LCMT1: variants seen among roughly 807,000 people sequenced by gnomAD.
LCMT1 encodes the protein leucine carboxyl methyltransferase 1, also known as [Phosphatase 2A protein]-leucine-carboxy methyltransferase 1.
Under a neutral mutation model 47.7 loss-of-function variants are expected in LCMT1, and 32 were observed. That is an observed-to-expected ratio of 0.67 (90% CI 0.51 to 0.90). LCMT1 has a LOEUF of 0.90. LCMT1 is among the 40% of genes least tolerant of loss of function. The pLI is 0.00. For missense variants in LCMT1, 375 were observed against 415.2 expected (o/e 0.90, Z 0.84); for synonymous variants, 152 against 149.7 (o/e 1.02, Z -0.11).
intron 1 of LCMT1, among the ~76,000 whole-genome samples, chr16:25,117,261 T>C (rs763576140): frequency 6.1e-4 from 93 of 152,232 alleles, no homozygotes; most frequent in Non-Finnish European, 2.2e-4. Context: ...AGTGCACTCT[T>C]ACCTGCTGGC....
intron 5 of LCMT1, among the ~76,000 whole-genome samples, chr16:25,160,005 G>A (rs1004032854): frequency 8.7e-5 from 13 of 149,438 alleles, no homozygotes; most frequent in Non-Finnish European, 1.6e-4. Context: ...TCACTCTGTC[G>A]CCCAGGCTGG....
At chr16:25,166,875 A>T (rs1961605734) in intron 7 of LCMT1, among the ~76,000 whole-genome samples, 1 of 152,114 alleles carries the variant, frequency 6.6e-6, no homozygotes, top group Non-Finnish European at 1.5e-5. Flanking sequence ...ATGTAATGGA[A>T]GCTGGCCTCA....
At chr16:25,175,067 GA>G in intron 10 of LCMT1, 33 bp downstream of exon 10, 1 of 1,192,920 alleles carries the variant, frequency 8.4e-7, no homozygotes, top group Non-Finnish European at 1.2e-6. Flanking sequence ...CCTTGACCTG[GA>G]AATAGTGAAC....
chr16:25,149,429 C>T (rs1960998339), intron 4 of LCMT1, among the ~76,000 whole-genome samples: 1 of 152,144 alleles, frequency 6.6e-6, no homozygotes, highest in Non-Finnish European at 1.5e-5. Context: ...AAGGCTAGTT[C>T]CTGGGATTCT....
At chr16:25,175,902 C>T (rs890364771) in intron 10 of LCMT1, among the ~76,000 whole-genome samples, 4 of 152,148 alleles carry the variant, frequency 2.6e-5, no homozygotes, top group Admixed American at 2.0e-4. Flanking sequence ...TAGCCCAAAA[C>T]AACCCTTGAG....
At chr16:25,116,924 G>A (rs549974643) in intron 1 of LCMT1, among the ~76,000 whole-genome samples, 73 of 151,858 alleles carry the variant, frequency 4.8e-4, no homozygotes. Flanking sequence ...CCAGAAACTG[G>A]GGTTTGCCAG....
intron 5 of LCMT1, among the ~76,000 whole-genome samples, chr16:25,154,291 G>A (rs1203163661): frequency 2.0e-5 from 3 of 151,760 alleles, no homozygotes; most frequent in African/African-American, 7.3e-5. Flanking sequence ...GATTACAGGC[G>A]TGAGCCACTG....
At chr16:25,128,228 A>C (rs1170382138) in intron 1 of LCMT1, among the ~76,000 whole-genome samples, 1 of 152,238 alleles carries the variant, frequency 6.6e-6, no homozygotes, top group African/African-American at 2.4e-5. Context: ...TGAATTAGCA[A>C]TATGAGGGAA....
chr16:25,132,098 A>G (rs775370502), intron 2 of LCMT1: 1 of 444,516 alleles, frequency 2.2e-6, no homozygotes, highest in Admixed American at 2.8e-5. Flanking sequence ...GCACATTTCC[A>G]AGATGGACTT....
At chr16:25,166,202 G>A (rs1159217930) in intron 7 of LCMT1, among the ~76,000 whole-genome samples, 10 of 151,168 alleles carry the variant, frequency 6.6e-5, no homozygotes, top group African/African-American at 1.5e-4. Flanking sequence ...CCAGGGAGGC[G>A]GATGTTGCAG....
intron 5 of LCMT1, among the ~76,000 whole-genome samples, chr16:25,156,888 A>G (rs1340971411): frequency 2.0e-5 from 3 of 151,694 alleles, no homozygotes; most frequent in Non-Finnish European, 4.4e-5. Flanking sequence ...TGGTCAGACA[A>G]ACTAATCCTC....
At chr16:25,125,989 C>T (rs1960165281) in intron 1 of LCMT1, 3 of 1,326,628 alleles carry the variant, frequency 2.3e-6, no homozygotes, top group South Asian at 2.3e-5. Flanking sequence ...CGCCCGACAG[C>T]ACTCTCCTCC....
chr16:25,112,874 G>A (rs1959665995), intron 1 of LCMT1, among the ~76,000 whole-genome samples: 1 of 152,132 alleles, frequency 6.6e-6, no homozygotes, highest in South Asian at 2.1e-4. Context: ...TGGGCGCGGT[G>A]GTTCACGCCT....
intron 1 of LCMT1, among the ~76,000 whole-genome samples, chr16:25,121,754 G>A (rs966936111): frequency 1.3e-5 from 2 of 152,176 alleles, no homozygotes; most frequent in Admixed American, 6.5e-5. Flanking sequence ...CAGCATGGGG[G>A]AAACAGCCCC....
chr16:25,166,971 C>T (rs1961607848), intron 7 of LCMT1, among the ~76,000 whole-genome samples: 1 of 152,182 alleles, frequency 6.6e-6, no homozygotes, highest in African/African-American at 2.4e-5. Flanking sequence ...TTCCACTGTC[C>T]ATACTCCACA....
intron 6 of LCMT1, among the ~76,000 whole-genome samples, chr16:25,161,857 T>C (rs910144749): frequency 3.3e-5 from 5 of 151,882 alleles, no homozygotes; most frequent in East Asian, 3.8e-4. Flanking sequence ...AAATATAGAT[T>C]ACCAGGCAGC....
intron 7 of LCMT1, 122 bp downstream of exon 7, chr16:25,164,840 T>C (rs1961539884): frequency 3.1e-6 from 4 of 1,305,758 alleles, no homozygotes; most frequent in Non-Finnish European, 4.3e-6. Context: ...CTCACATATC[T>C]CCTTTATTCA....
At chr16:25,152,631 A>G (rs779369676) in intron 5 of LCMT1, among the ~76,000 whole-genome samples, 1 of 152,194 alleles carries the variant, frequency 6.6e-6, no homozygotes, top group Non-Finnish European at 1.5e-5. Context: ...GGAAAAAACT[A>G]GAAGACGTGG....
chr16:25,157,139 T>C (rs1433140247), intron 5 of LCMT1, among the ~76,000 whole-genome samples: 2 of 149,250 alleles, frequency 1.3e-5, no homozygotes, highest in Admixed American at 6.8e-5. Context: ...AGTCATATGA[T>C]ACACCAGCAC....
Sources: gnomAD v4.1 joint callset for allele counts (sites outside exome capture counted in the v4.1 genomes callset) on GRCh38, gnomAD v4.1.1 for gene constraint, MANE v1.5 for transcripts, NCBI Gene and HGNC (gene_info 2026-07-23, HGNC 2026-07-21) for gene names.